GPD2: variants seen among roughly 807,000 people sequenced by gnomAD.
GPD2 encodes the protein glycerol-3-phosphate dehydrogenase 2.
A neutral mutation model predicts 82.4 loss-of-function variants in GPD2; 54 were observed. The observed-to-expected ratio is 0.66, with a 90% CI of 0.53 to 0.82. The LOEUF is 0.82. Among genes scored for constraint, GPD2 ranks in the 40% least tolerant of loss-of-function variants. The pLI, the probability that GPD2 is intolerant of heterozygous loss-of-function variation, is 0.00. For synonymous variants in GPD2, 288 were observed against 306.1 expected (o/e 0.94, Z 0.62); for missense variants, 748 against 896.2 (o/e 0.83, Z 2.11).
At chr2:156,526,996 T>A (rs962408117) in intron 6 of GPD2, among the ~76,000 whole-genome samples, 4 of 152,292 alleles carry the variant, frequency 2.6e-5, no homozygotes, top group Non-Finnish European at 5.9e-5. Flanking sequence ...CTTCACATAT[T>A]TTCTAGCATT....
At chr2:156,550,953 G>A (rs143317398) in intron 8 of GPD2, among the ~76,000 whole-genome samples, 1 of 152,280 alleles carries the variant, frequency 6.6e-6, no homozygotes, top group East Asian at 1.9e-4. Context: ...GTTTCTAAGG[G>A]TTAATGCTTT....
At chr2:156,555,975 G>A (rs1226928874) in intron 8 of GPD2, among the ~76,000 whole-genome samples, 10 of 152,180 alleles carry the variant, frequency 6.6e-5, no homozygotes, top group South Asian at 6.2e-4. Context: ...CGTTTCATGC[G>A]GCTGAGGGTT....
the GPD2 span, among the ~76,000 whole-genome samples, chr2:156,405,538 C>T: frequency 6.6e-6 from 1 of 152,226 alleles, no homozygotes; most frequent in African/African-American, 2.4e-5. Flanking sequence ...CAGAGCCCCA[C>T]TTCTTTTGCT....
At chr2:156,449,599 A>G (rs1682481126) in intron 1 of GPD2, among the ~76,000 whole-genome samples, 1 of 152,154 alleles carries the variant, frequency 6.6e-6, no homozygotes, top group Non-Finnish European at 1.5e-5. Context: ...AATACATGCC[A>G]TCAAAGATTA....
chr2:156,545,916 C>T (rs1686514323), intron 6 of GPD2, among the ~76,000 whole-genome samples: 1 of 152,084 alleles, frequency 6.6e-6, no homozygotes, highest in South Asian at 2.1e-4. Context: ...TATGTGTGGT[C>T]CTGCATTTTT....
rs750454832 is a variant in GPD2, at chr2:156,496,195, C to CGCTAGAT, written c.258_264dup (p.Val89ArgfsTer16). On this transcript the variant is annotated frameshift_variant, in exon 3 of 17. Coordinates refer to ENST00000438166, the MANE Select transcript of GPD2 (RefSeq NM_000408.5). LOFTEE classifies it high-confidence loss of function. ...GGAGGAGCAACAGGAAGTGGCTGTG[C>CGCTAGAT]GCTAGATGCTGTCACCAGAGGTAAG... 1 of 1,610,050 alleles carries CGCTAGAT rather than the reference C, an allele frequency of 6.2e-7. No homozygotes were observed. The highest frequency in any genetic ancestry group is 8.5e-7 in the Non-Finnish European group (1 of 1,176,622).
intron 6 of GPD2, among the ~76,000 whole-genome samples, chr2:156,542,435 A>G (rs1024861025): frequency 1.3e-5 from 2 of 152,204 alleles, no homozygotes; most frequent in African/African-American, 4.8e-5. Context: ...AATTACTCCA[A>G]TTCATAAACT....
intron 1 of GPD2, among the ~76,000 whole-genome samples, chr2:156,460,314 C>T (rs1041631170): frequency 2.0e-4 from 31 of 152,288 alleles, no homozygotes; most frequent in Non-Finnish European, 4.4e-4. Flanking sequence ...AATTGAAATG[C>T]ATGGCCCTTT....
chr2:156,493,331 A>G (rs1042470427), intron 2 of GPD2, among the ~76,000 whole-genome samples: 20 of 152,086 alleles, frequency 1.3e-4, no homozygotes, highest in African/African-American at 4.6e-4. Flanking sequence ...GAAAATTCAA[A>G]TTAGGGTGAG....
chr2:156,470,187 T>C (rs1420254593), intron 1 of GPD2, among the ~76,000 whole-genome samples: 1 of 151,922 alleles, frequency 6.6e-6, no homozygotes, highest in African/African-American at 2.4e-5. Context: ...ATGGAATCTT[T>C]TTCTTTTTCT....
intron 9 of GPD2, among the ~76,000 whole-genome samples, chr2:156,564,354 A>G (rs1687287644): frequency 6.6e-6 from 1 of 152,206 alleles, no homozygotes; most frequent in Non-Finnish European, 1.5e-5. Flanking sequence ...TCAGACTAGC[A>G]TCTACTACCT....
intron 6 of GPD2, among the ~76,000 whole-genome samples, chr2:156,546,458 C>T (rs1351920305): frequency 6.6e-6 from 1 of 152,084 alleles, no homozygotes; most frequent in African/African-American, 2.4e-5. Flanking sequence ...AAATATATCA[C>T]GTATATCTCA....
chr2:156,496,715 GT>G (rs984030950), intron 3 of GPD2, among the ~76,000 whole-genome samples: 12 of 151,090 alleles, frequency 7.9e-5, no homozygotes, highest in Non-Finnish European at 1.5e-4. Flanking sequence ...ATTTGTTCTG[GT>G]TTTTTTTAAA....
intron 1 of GPD2, among the ~76,000 whole-genome samples, chr2:156,472,351 T>TA (rs1315062832): frequency 1.3e-5 from 2 of 152,174 alleles, no homozygotes; most frequent in East Asian, 3.9e-4. Flanking sequence ...GACAGGGTCT[T>TA]ACTCTGTCAC....
intron 9 of GPD2, among the ~76,000 whole-genome samples, chr2:156,564,208 T>G: frequency 6.6e-6 from 1 of 152,192 alleles, no homozygotes; most frequent in Non-Finnish European, 1.5e-5. Flanking sequence ...TGTCAGGGTC[T>G]AAGATATATT....
rs187086129 is a variant in GPD2, at chr2:156,502,552, G to T, written c.274+6337G>T. On this transcript the variant is annotated intron_variant, in intron 3 of 16. Transcript: ENST00000438166. ...AGAGACCCTACCACCTCAGCCTCCT[G>T]AGTAGCTGGATCTAAAAGTGTGTGC... is the stretch of plus-strand genomic sequence containing the variant. Among the ~76,000 whole-genome samples, 253 of 152,212 alleles carry T rather than the reference G, an allele frequency of 1.7e-3. 2 individuals carry two copies. The highest frequency in any genetic ancestry group is 9.0e-3 in the Admixed American group (137 of 15,270).
chr2:156,530,717 A>G (rs1242180843), intron 6 of GPD2, among the ~76,000 whole-genome samples: 4 of 152,258 alleles, frequency 2.6e-5, no homozygotes, highest in African/African-American at 2.4e-5. Context: ...AGTTCTGTTT[A>G]TATGCTGGAT....
At chr2:156,577,147 T>A (rs187406884) in intron 13 of GPD2, among the ~76,000 whole-genome samples, 8 of 152,332 alleles carry the variant, frequency 5.3e-5, no homozygotes, top group African/African-American at 1.9e-4. Context: ...CTAGTATCTA[T>A]TTCCTAAGAA....
chr2:156,492,765 C>G (rs1684229804), intron 2 of GPD2, among the ~76,000 whole-genome samples: 2 of 152,054 alleles, frequency 1.3e-5, no homozygotes, highest in Admixed American at 1.3e-4. Flanking sequence ...CTGATAAACT[C>G]AGTGATTGAG....
Sources: gnomAD v4.1 joint callset for allele counts (sites outside exome capture counted in the v4.1 genomes callset) on GRCh38, gnomAD v4.1.1 for gene constraint, MANE v1.5 for transcripts, NCBI Gene and HGNC (gene_info 2026-07-23, HGNC 2026-07-21) for gene names.